MAST4: variants seen among roughly 807,000 people sequenced by gnomAD.
MAST4 encodes the protein microtubule-associated serine/threonine-protein kinase 4.
In MAST4, 89 loss-of-function variants were observed where a neutral mutation model predicts 162.7. That is an observed-to-expected ratio of 0.55 (90% CI 0.46 to 0.65). The LOEUF (loss-of-function observed/expected upper bound fraction) is 0.65, where lower values mean the gene tolerates loss of function less well. Among genes scored for constraint, MAST4 ranks in the 30% least tolerant of loss-of-function variants. The probability of loss-of-function intolerance (pLI) is 0.00; values close to 1 mark genes in which losing one functional copy is unlikely to be tolerated. For missense variants in MAST4, 3,153 were observed against 3,374.0 expected (o/e 0.93, Z 1.62); for synonymous variants, 1,479 against 1,361.1 (o/e 1.09, Z -1.91).
At chr5:67,058,595 A>G (rs925913083) in intron 5 of MAST4, among the ~76,000 whole-genome samples, 26 of 152,264 alleles carry the variant, frequency 1.7e-4, no homozygotes, top group Non-Finnish European at 2.5e-4. Context: ...GTTGTTACAA[A>G]GAACAAGGTG....
intron 1 of MAST4, among the ~76,000 whole-genome samples, chr5:66,663,984 G>T (rs774556148): frequency 2.6e-4 from 39 of 152,208 alleles, no homozygotes; most frequent in Middle Eastern, 3.4e-3. Flanking sequence ...AACCAGAGTT[G>T]CATCCCATAT....
At chr5:67,157,976 T>TG (rs1772738293) in intron 26 of MAST4, among the ~76,000 whole-genome samples, 1 of 152,256 alleles carries the variant, frequency 6.6e-6, no homozygotes, top group Non-Finnish European at 1.5e-5. Flanking sequence ...CCAGCTCTAG[T>TG]GGCACACATG....
At chr5:66,908,711 A>C (rs975537981) in intron 4 of MAST4, among the ~76,000 whole-genome samples, 2 of 152,190 alleles carry the variant, frequency 1.3e-5, no homozygotes, top group African/African-American at 4.8e-5. Flanking sequence ...TGAGAGAGGC[A>C]GATGTCTGTG....
chr5:67,159,162 G>T (rs1327116908), intron 26 of MAST4, among the ~76,000 whole-genome samples: 2 of 152,132 alleles, frequency 1.3e-5, no homozygotes, highest in African/African-American at 4.8e-5. Flanking sequence ...ATGATAAAGG[G>T]AAAATTTTTC....
At chr5:66,638,591 A>G (rs1444719172) in intron 1 of MAST4, among the ~76,000 whole-genome samples, 4 of 152,232 alleles carry the variant, frequency 2.6e-5, no homozygotes, top group Non-Finnish European at 5.9e-5. Context: ...CCTTATACAC[A>G]TAGCCTGAAG....
chr5:66,807,565 T>C (rs748838414), intron 3 of MAST4, among the ~76,000 whole-genome samples: 10 of 152,278 alleles, frequency 6.6e-5, no homozygotes, highest in Admixed American at 1.3e-4. Context: ...TGTGCTTTCA[T>C]ATAGTAGGTC....
intron 4 of MAST4, among the ~76,000 whole-genome samples, chr5:67,047,339 G>A (rs1257917792): frequency 6.6e-6 from 1 of 152,138 alleles, no homozygotes; most frequent in Admixed American, 6.5e-5. Context: ...TCCTCTGCTG[G>A]CACTCTTCCC....
In MAST4 at chr5:66,998,150, A is replaced by G. The variant is rs151287379; in HGVS notation, c.675-56254A>G. On this transcript the variant is annotated intron_variant, in intron 4 of 28. Transcript: ENST00000403625. ...TTACAGAAAGGTCTTAGTGTCAGCT[A>G]CGAAAGGGCTAAATATAACCATGCT... Among the ~76,000 whole-genome samples the G allele has an allele frequency of 2.7e-3, 411 of 152,370 alleles. 2 individuals are homozygous for G. Among genetic ancestry groups the G allele is most frequent in the African/African-American group, 9.4e-3 (390 of 41,590 alleles).
chr5:66,718,734 C>T (rs1284629126), intron 1 of MAST4, among the ~76,000 whole-genome samples: 1 of 152,168 alleles, frequency 6.6e-6, no homozygotes, highest in Non-Finnish European at 1.5e-5. Flanking sequence ...TCCTGTAAAG[C>T]TTCGTTATCC....
At chr5:66,837,890 ATATATTTTTTT>A (rs1276591654) in intron 3 of MAST4, among the ~76,000 whole-genome samples, 6 of 28,062 alleles carry the variant, frequency 2.1e-4, no homozygotes, top group Admixed American at 7.8e-4. Context: ...ATATATATAT[ATATATTTTTTT>A]TTTTTTTTTT....
chr5:66,717,933 A>T (rs916766577), intron 1 of MAST4, among the ~76,000 whole-genome samples: 41 of 152,276 alleles, frequency 2.7e-4, no homozygotes, highest in African/African-American at 9.4e-4. Context: ...GCTGGGTCTA[A>T]GCCTGGTTCC....
chr5:66,917,594 C>CTTG (rs1764199697), intron 4 of MAST4, among the ~76,000 whole-genome samples: 1 of 127,824 alleles, frequency 7.8e-6, no homozygotes, highest in African/African-American at 2.6e-5. Flanking sequence ...GATTCTCTTT[C>CTTG]TTTTTTTTTT....
chr5:66,877,717 G>A (rs75049803), intron 3 of MAST4, among the ~76,000 whole-genome samples: 3,166 of 152,262 alleles, frequency 0.021, 118 homozygotes, highest in African/African-American at 0.073. Context: ...GGACTCCTTA[G>A]TGTACAGCTT....
intron 4 of MAST4, among the ~76,000 whole-genome samples, chr5:66,922,745 A>G (rs1036851178): frequency 6.6e-6 from 1 of 152,212 alleles, no homozygotes; most frequent in African/African-American, 2.4e-5. Context: ...TATTTTAAAT[A>G]TAATTGCAGT....
At position 66,900,718 on chromosome 5, in the gene MAST4, TA is replaced by T. The variant is rs5868466; in HGVS notation, c.674+745del. ...AAGTTAGTAGATGGAGCACCTCCTT[TA>T]AAAAAAAATAGTATTTAAGATAAGT... On this transcript the variant is annotated intron_variant, in intron 4 of 28. Transcript: ENST00000403625. 7.7e-3 allele frequency among the ~76,000 whole-genome samples: 1,161 copies of T among 151,408 alleles called. 19 individuals are homozygous for T. The highest frequency in any genetic ancestry group is 0.026 in the African/African-American group (1,087 of 41,322).
rs1237937055 is a variant in MAST4 at position 67,168,388 on chromosome 5, C to G, written c.*1337C>G. On this transcript the variant is annotated 3_prime_UTR_variant, in exon 29 of 29. Coordinates refer to ENST00000403625, the MANE Select transcript of MAST4 (RefSeq NM_001164664.2). Reference sequence around the variant, plus strand: ...TTTGTAACAAAGAGACTCGCTGGAGCTATTTGGTGCTTGAATGTGACCATC... The same window carrying G: ...TTTGTAACAAAGAGACTCGCTGGAGGTATTTGGTGCTTGAATGTGACCATC... 1 of 152,114 alleles carries G rather than the reference C, an allele frequency of 6.6e-6. No individual in the cohort carries two copies. The highest frequency in any genetic ancestry group is 1.5e-5 in the Non-Finnish European group (1 of 68,026). The allele number at this position is 152,114 out of a possible 1,614,324, so 9.4% of individuals were successfully genotyped here.
At chr5:66,640,551 G>A (rs13190173) in intron 1 of MAST4, among the ~76,000 whole-genome samples, 29,420 of 152,050 alleles carry the variant, frequency 0.19, 3,141 homozygotes, top group South Asian at 0.32. Flanking sequence ...CTTGTGATCC[G>A]CCTGCCTCGG....
At chr5:66,892,035 C>T (rs1042566659) in intron 3 of MAST4, among the ~76,000 whole-genome samples, 2 of 152,168 alleles carry the variant, frequency 1.3e-5, no homozygotes, top group African/African-American at 4.8e-5. Flanking sequence ...TTAGCTCTCT[C>T]GGACAAGGGA....
At chr5:67,078,714 TTTATA>T (rs1441087692) in intron 5 of MAST4, among the ~76,000 whole-genome samples, 19 of 121,712 alleles carry the variant, frequency 1.6e-4, no homozygotes, top group Admixed American at 8.4e-4. Flanking sequence ...ATAATATTTA[TTTATA>T]TTATATTTAT....
Sources: allele counts gnomAD v4.1 joint callset (sites outside exome capture counted in the v4.1 genomes callset), GRCh38; gene constraint gnomAD v4.1.1; transcripts MANE v1.5; gene names NCBI Gene and HGNC (gene_info 2026-07-23, HGNC 2026-07-21).